AOC3: variants seen among roughly 807,000 people sequenced by gnomAD.
AOC3 encodes amine oxidase [copper-containing] 3.
AOC3 carries 47 observed loss-of-function variants against 55.4 expected under a neutral mutation model. The observed-to-expected ratio is 0.85, with a 90% CI of 0.67 to 1.08. The LOEUF (loss-of-function observed/expected upper bound fraction) is 1.08. Among genes scored for constraint, AOC3 ranks in the 50% least tolerant of loss-of-function variants. AOC3 has a pLI of 0.00. For missense variants in AOC3, 853 were observed against 993.1 expected (o/e 0.86, Z 1.90); for synonymous variants, 386 against 410.7 (o/e 0.94, Z 0.73).
Position 42,851,970 on chromosome 17 carries a change from G to A in AOC3, c.627G>A (p.Val209=), listed in dbSNP as rs762374985. ...ACAAGCACCGGGGACGGAACCTGGTGACAATGACCACGGCTCCCCGTGGTC... is the reference window on the plus strand; with the variant it reads ...ACAAGCACCGGGGACGGAACCTGGTAACAATGACCACGGCTCCCCGTGGTC... ...CFYKHRGRNL[V]TMTTAPRGLQ... The change falls in exon 1 of 4, where the codon GTG becomes GTA. Residue 209 remains valine, a synonymous_variant. Coordinates refer to ENST00000308423, the MANE Select transcript of AOC3 (RefSeq NM_003734.4). 7.4e-6 allele frequency: 12 copies of A among 1,613,666 alleles called. No individual in the cohort carries two copies. Among genetic ancestry groups the A allele is most frequent in the Non-Finnish European group, 1.0e-5 (12 of 1,179,874 alleles).
rs577823196 is a variant in AOC3 at position 42,853,391 on chromosome 17, C to T, written c.1600+448C>T. ...TCAGTCATTCCAGGTTGTACATTTC[C>T]TTTGGAGATGGACCCTCCTCCCTGA... On this transcript the variant is annotated intron_variant, in intron 1 of 3. Coordinates refer to ENST00000308423, the MANE Select transcript of AOC3 (RefSeq NM_003734.4). 94 of 998,150 alleles carry T rather than the reference C, an allele frequency of 9.4e-5. 1 individual carries two copies. In the South Asian group the frequency reaches 3.9e-3, roughly 41 times the overall value. The allele number at this position is 998,150 out of a possible 1,614,324, so 61.8% of individuals were successfully genotyped here. A position where few individuals can be genotyped will look rare whatever the true frequency, so the allele number is the denominator to read the frequency against.
chr17:42,854,788 T>C (rs1753867884), intron 2 of AOC3, 55 bp downstream of exon 2: 1 of 1,413,686 alleles, frequency 7.1e-7, no homozygotes, highest in East Asian at 2.6e-5. Flanking sequence ...AAAGGAGTGT[T>C]GGCGGACACT....
Position 42,852,853 on chromosome 17 carries a change from A to G in AOC3, c.1510A>G (p.Thr504Ala), listed in dbSNP as rs1372896840. 1 of 1,613,826 alleles carries G rather than the reference A, an allele frequency of 6.2e-7. No individual in the cohort carries two copies. Among genetic ancestry groups the G allele is most frequent in the Admixed American group, 1.7e-5 (1 of 60,014 alleles). Residue 504 changes from threonine to alanine, a missense_variant, in exon 1 of 4, where the codon ACT (threonine) becomes GCT (alanine). Physicochemically the swap from Thr to Ala is moderately conservative, Grantham distance 58. Coordinates refer to ENST00000308423, the MANE Select transcript of AOC3 (RefSeq NM_003734.4). ...CAGCTCGGCATTCCTCTTTGGTGCT[A>G]CTGGGAAGTACGGGAACCAAGTGTC... The part of the protein sequence containing the change: ...YISSAFLFGA[T>A]GKYGNQVSEH...
At position 42,851,789 on chromosome 17, in the gene AOC3, C is replaced by T. The variant is rs528402843; in HGVS notation, c.446C>T (p.Pro149Leu). 4.3e-5 allele frequency: 69 copies of T among 1,613,394 alleles called. No homozygotes were observed. In the South Asian group the frequency reaches 7.4e-4, roughly 17 times the overall value. ...SELVVGPLPH[P>L]SYMRDVTVER... is the part of the protein sequence containing the mutation. ...CTGGTGGTGGGGCCACTGCCTCACC[C>T]CTCCTACATGCGGGACGTGACTGTG... is the stretch of plus-strand genomic sequence containing the variant. The change falls in exon 1 of 4, where the codon CCC becomes CTC. Residue 149 changes from proline to leucine, a missense_variant. Transcript: ENST00000308423.
Position 42,856,710 on chromosome 17 carries a change from C to A in AOC3, c.*160C>A. The stretch of plus-strand genomic sequence containing the variant: ...TCGCATCCGCCTCTGAGCCAGGAGC[C>A]TCCTGACCCTGTGATGCCTGACACA... On this transcript the variant is annotated 3_prime_UTR_variant, in exon 4 of 4. Coordinates refer to ENST00000308423, the MANE Select transcript of AOC3 (RefSeq NM_003734.4). The A allele has an allele frequency of 2.4e-6, 2 of 820,742 alleles. No individual in the cohort carries two copies. The highest frequency in any genetic ancestry group is 3.7e-6 in the Non-Finnish European group (2 of 534,676). 50.8% of individuals were successfully genotyped at this position (820,742 alleles called of 1,614,324 possible).
chr17:42,854,832 C>T, intron 2 of AOC3, 99 bp downstream of exon 2: 1 of 1,019,506 alleles, frequency 9.8e-7, no homozygotes, highest in Non-Finnish European at 1.3e-6. Context: ...AGAGCTCTCT[C>T]AGGAAGGCTT....
chr17:42,851,967 G>A lies in AOC3; in HGVS notation c.624G>A (p.Leu208=). Residue 208 remains leucine, a synonymous_variant, in exon 1 of 4, where the codon CTG becomes CTA. Transcript: ENST00000308423. Reference sequence around the variant, plus strand: ...TCTACAAGCACCGGGGACGGAACCTGGTGACAATGACCACGGCTCCCCGTG... The same window carrying A: ...TCTACAAGCACCGGGGACGGAACCTAGTGACAATGACCACGGCTCCCCGTG... The part of the protein sequence containing the change: ...CCFYKHRGRN[L]VTMTTAPRGL... 5.0e-6 allele frequency: 8 copies of A among 1,613,734 alleles called. No homozygotes were observed. Among genetic ancestry groups the A allele is most frequent in the Non-Finnish European group, 6.8e-6 (8 of 1,179,858 alleles).
chr17:42,853,100 T>G, intron 1 of AOC3, 157 bp downstream of exon 1: 1 of 1,344,654 alleles, frequency 7.4e-7, no homozygotes, highest in Non-Finnish European at 9.8e-7. Flanking sequence ...TGAGTTTTAT[T>G]TGGATCTTAG....
chr17:42,852,011 G>A lies in AOC3; in HGVS notation c.668G>A (p.Arg223Gln), dbSNP rs775896182. 8 of 1,613,678 alleles carry A rather than the reference G, an allele frequency of 5.0e-6. No individual in the cohort carries two copies. Among genetic ancestry groups the A allele is most frequent in the African/African-American group, 2.7e-5 (2 of 74,902 alleles). Residue 223 changes from arginine (R) to glutamine (Q), a missense_variant, in exon 1 of 4, where the codon CGG becomes CAG. Coordinates refer to ENST00000308423, the MANE Select transcript of AOC3 (RefSeq NM_003734.4). ...CCCCGTGGTCTGCAATCAGGGGACC[G>A]GGCCACCTGGTTTGGCCTCTACTAC... ...TAPRGLQSGD[R>Q]ATWFGLYYNI...
chr17:42,851,427 G>C lies in AOC3; in HGVS notation c.84G>C (p.Arg28Ser). 1 of 1,614,224 alleles carries C rather than the reference G, an allele frequency of 6.2e-7. No individual in the cohort carries two copies. ...TGGTTTGTGTCCTGCTGGTGGGCAG[G>C]GGTGGAGATGGGGGTGAACCCAGCC... The part of the protein sequence containing the change: ...FALVCVLLVG[R>S]GGDGGEPSQL... Residue 28 changes from arginine to serine, a missense_variant, in exon 1 of 4, where the codon AGG becomes AGC. Physicochemically the swap from Arg to Ser is moderately radical, Grantham distance 110. Transcript: ENST00000308423.
rs541508888 is a variant in AOC3 at position 42,851,274 on chromosome 17, C to G, written c.-70C>G. 2.4e-4 allele frequency: 361 copies of G among 1,508,014 alleles called. 1 individual carries two copies. The highest frequency in any genetic ancestry group is 3.2e-5 in the Non-Finnish European group (36 of 1,118,112). The allele number at this position is 1,508,014 out of a possible 1,614,324, so 93.4% of individuals were successfully genotyped here. A position where few individuals can be genotyped will look rare whatever the true frequency, so the allele number is the denominator to read the frequency against. ...CCACCCCGTCCAGGAGCCAACAGAG[C>G]CCCCGTCTTGCTGGCGTGAGAATAC... is the stretch of plus-strand genomic sequence containing the variant. On this transcript the variant is annotated 5_prime_UTR_variant, in exon 1 of 4. Transcript: ENST00000308423.
In AOC3 at chr17:42,851,426, G is replaced by T. The variant is rs536775431; in HGVS notation, c.83G>T (p.Arg28Met). 1 of 1,614,226 alleles carries T rather than the reference G, an allele frequency of 6.2e-7. No homozygotes were observed. Among genetic ancestry groups the T allele is most frequent in the Non-Finnish European group, 8.5e-7 (1 of 1,180,020 alleles). ...TTGGTTTGTGTCCTGCTGGTGGGCA[G>T]GGGTGGAGATGGGGGTGAACCCAGC... ...FALVCVLLVGRGGDGGEPSQL... is the reference protein window; with the variant it reads ...FALVCVLLVGMGGDGGEPSQL... The change falls in exon 1 of 4, where the codon AGG (arginine) becomes ATG (methionine). Residue 28 changes from arginine (R) to methionine (M), a missense_variant. Arg to Met is a moderately conservative substitution (Grantham distance 91). Coordinates refer to ENST00000308423, the MANE Select transcript of AOC3 (RefSeq NM_003734.4).
In AOC3 at chr17:42,851,308, C is replaced by A; in HGVS notation, c.-36C>A. ...TGCTGGCGTGAGAATACATTGCTCTCCTTTGGTTGAATCAGCTGTCCCTCT... is the reference window on the plus strand; with the variant it reads ...TGCTGGCGTGAGAATACATTGCTCTACTTTGGTTGAATCAGCTGTCCCTCT... On this transcript the variant is annotated 5_prime_UTR_variant, in exon 1 of 4. Coordinates refer to ENST00000308423, the MANE Select transcript of AOC3 (RefSeq NM_003734.4). 1 of 1,563,982 alleles carries A rather than the reference C, an allele frequency of 6.4e-7. No homozygotes were observed. The highest frequency in any genetic ancestry group is 8.7e-7 in the Non-Finnish European group (1 of 1,152,724).
rs1309399993 is a variant in AOC3 at position 42,851,894 on chromosome 17, T to G, written c.551T>G (p.Phe184Cys). 3.1e-6 allele frequency: 5 copies of G among 1,613,540 alleles called. No homozygotes were observed. In the African/African-American group the frequency reaches 5.3e-5, roughly 17 times the overall value. The change falls in exon 1 of 4, where the codon TTC (phenylalanine) becomes TGC (cysteine). Residue 184 changes from phenylalanine (F) to cysteine (C), a missense_variant. Phe to Cys is a radical substitution (Grantham distance 205, BLOSUM62 -2). Transcript: ENST00000308423. ...QEYLDIDQMIFNRELPQASGL... is the reference protein window; with the variant it reads ...QEYLDIDQMICNRELPQASGL... The stretch of plus-strand genomic sequence containing the variant: ...TACCTGGACATAGACCAGATGATCT[T>G]CAACAGAGAGCTGCCCCAGGCTTCT...
rs527984380 is a variant in AOC3, at chr17:42,854,796, A to G, written c.1886+63A>G. 1.4e-4 allele frequency: 200 copies of G among 1,390,524 alleles called. No homozygotes were observed. The Middle Eastern group carries it at 1.7e-3, about 12-fold the overall frequency. 86.1% of individuals were successfully genotyped at this position (1,390,524 alleles called of 1,614,324 possible). ...GAGTGGGAAAGGAGTGTTGGCGGAC[A>G]CTCAGCTCACACTGTAGGTGAGGGG... On this transcript the variant is annotated intron_variant, in intron 2 of 3. Transcript: ENST00000308423.
chr17:42,851,898 C>T lies in AOC3; in HGVS notation c.555C>T (p.Asn185=). The T allele has an allele frequency of 1.2e-6, 2 of 1,613,736 alleles. No individual in the cohort carries two copies. The highest frequency in any genetic ancestry group is 1.7e-6 in the Non-Finnish European group (2 of 1,180,006). The change falls in exon 1 of 4, where the codon AAC becomes AAT. Residue 185 remains asparagine, a synonymous_variant. Transcript: ENST00000308423. ...TGGACATAGACCAGATGATCTTCAA[C>T]AGAGAGCTGCCCCAGGCTTCTGGGC... ...EYLDIDQMIF[N]RELPQASGLL... is the part of the protein sequence containing the mutation.
In AOC3 at chr17:42,852,658, C is replaced by T; in HGVS notation, c.1315C>T (p.Pro439Ser). ...TGTGTTTGAACAGAACCAGGGCCTC[C>T]CCCTGCGGCGACACCACTCAGATCT... ...FCVFEQNQGL[P>S]LRRHHSDLYS... Residue 439 changes from proline (P) to serine (S), a missense_variant, in exon 1 of 4, where the codon CCC (proline) becomes TCC (serine). Pro to Ser is a moderately conservative substitution (Grantham distance 74, BLOSUM62 -1). Coordinates refer to ENST00000308423, the MANE Select transcript of AOC3 (RefSeq NM_003734.4). The T allele has an allele frequency of 6.2e-7, 1 of 1,614,178 alleles. No homozygotes were observed. The highest frequency in any genetic ancestry group is 1.6e-4 in the Middle Eastern group (1 of 6,062).
In AOC3 at chr17:42,855,433, T is replaced by C; in HGVS notation, c.1887-11T>C. ...TCAATGGCCATGGAGGCCTGACCAG[T>C]GCCTCCCTAGGTACCAGCTGGCTGT... On this transcript the variant is annotated splice_polypyrimidine_tract_variant and intron_variant, in intron 2 of 3. Transcript: ENST00000308423. 1 of 1,598,028 alleles carries C rather than the reference T, an allele frequency of 6.3e-7. No homozygotes were observed.
At position 42,851,922 on chromosome 17, in the gene AOC3, G is replaced by C; in HGVS notation, c.579G>C (p.Gly193=). The change falls in exon 1 of 4, where the codon GGG becomes GGC. Residue 193 remains glycine (G), a synonymous_variant. Coordinates refer to ENST00000308423, the MANE Select transcript of AOC3 (RefSeq NM_003734.4). Reference sequence around the variant, plus strand: ...ACAGAGAGCTGCCCCAGGCTTCTGGGCTTCTCCACCACTGTTGCTTCTACA... The same window carrying C: ...ACAGAGAGCTGCCCCAGGCTTCTGGCCTTCTCCACCACTGTTGCTTCTACA... ...IFNRELPQAS[G]LLHHCCFYKH... is the part of the protein sequence containing the mutation. The C allele has an allele frequency of 6.2e-7, 1 of 1,613,766 alleles. No individual in the cohort carries two copies. The highest frequency in any genetic ancestry group is 8.5e-7 in the Non-Finnish European group (1 of 1,179,958).
Sources: gnomAD v4.1 joint callset for allele counts on GRCh38, gnomAD v4.1.1 for gene constraint, MANE v1.5 for transcripts, NCBI Gene and HGNC (gene_info 2026-07-23, HGNC 2026-07-21) for gene names.